Variants in TCEA3 observed in about 807,000 individuals in gnomAD.
The protein encoded by TCEA3 is transcription elongation factor A3.
Under a neutral mutation model 44.0 loss-of-function variants are expected in TCEA3, and 36 were observed. The ratio of observed to expected loss-of-function variants is 0.82; its 90% CI spans 0.63 to 1.08. The LOEUF is 1.08. Among genes scored for constraint, TCEA3 ranks in the 50% least tolerant of loss-of-function variants. The pLI is 0.00. For missense variants in TCEA3, 392 were observed against 441.2 expected, an observed-to-expected ratio of 0.89 and a Z score of 1.00; for synonymous variants, 162 against 159.7, an observed-to-expected ratio of 1.01 and a Z score of -0.11.
At chr1:23,421,442 G>A (rs1361875344) in intron 1 of TCEA3, among the ~76,000 whole-genome samples, 2 of 152,078 alleles carry the variant, frequency 1.3e-5, no homozygotes, top group Non-Finnish European at 2.9e-5. Context: ...CACAATCATG[G>A]AATATCAACA....
At chr1:23,384,158 T>C (rs1638751416) in intron 10 of TCEA3, 188 bp downstream of exon 10, 3 of 1,403,110 alleles carry the variant, frequency 2.1e-6, no homozygotes, top group South Asian at 3.4e-5. Context: ...AATGAAAACA[T>C]GCATGTGTGT....
At chr1:23,413,185 G>A (rs1639784375) in intron 4 of TCEA3, among the ~76,000 whole-genome samples, 1 of 151,942 alleles carries the variant, frequency 6.6e-6, no homozygotes, top group Non-Finnish European at 1.5e-5. Context: ...CACCCAGGCT[G>A]GAGTGCAGTA....
intron 8 of TCEA3, among the ~76,000 whole-genome samples, chr1:23,392,989 A>G (rs1410823680): frequency 1.3e-5 from 2 of 152,046 alleles, no homozygotes; most frequent in Non-Finnish European, 1.5e-5. Context: ...TATCCAACTC[A>G]CCATAATGTA....
In TCEA3 at chr1:23,384,827, C is replaced by T. The variant is rs558227005; in HGVS notation, c.967-410G>A. The stretch of plus-strand genomic sequence containing the variant: ...GATTACAGGCGCCCGCCACCACGCC[C>T]GGCTAATTTGGACTTTCACTCTTGT... On this transcript the variant is annotated intron_variant, in intron 9 of 10. Coordinates refer to ENST00000450454, the MANE Select transcript of TCEA3 (RefSeq NM_003196.3). 7.1e-4 allele frequency among the ~76,000 whole-genome samples: 108 copies of T among 152,084 alleles called. 1 individual carries two copies. Among genetic ancestry groups the T allele is most frequent in the Middle Eastern group, 6.8e-3 (2 of 294 alleles).
intron 5 of TCEA3, among the ~76,000 whole-genome samples, chr1:23,399,163 T>TATATATAC (rs1558043147): frequency 1.4e-5 from 2 of 137,986 alleles, no homozygotes; most frequent in Non-Finnish European, 3.2e-5. Context: ...TATATATATA[T>TATATATAC]ATATATATAT....
chr1:23,389,633 G>A (rs1268403119), intron 8 of TCEA3, among the ~76,000 whole-genome samples: 1 of 152,202 alleles, frequency 6.6e-6, no homozygotes, highest in Non-Finnish European at 1.5e-5. Context: ...CTGGGTGACA[G>A]AGTGAGACTC....
chr1:23,383,017 C>T (rs548031260), intron 10 of TCEA3, among the ~76,000 whole-genome samples: 52 of 152,340 alleles, frequency 3.4e-4, no homozygotes, highest in South Asian at 8.3e-4. Flanking sequence ...CGGCGGCTCA[C>T]GCCTGTAATC....
chr1:23,422,051 A>G (rs1187890864), intron 1 of TCEA3, among the ~76,000 whole-genome samples: 1 of 152,214 alleles, frequency 6.6e-6, no homozygotes, highest in Non-Finnish European at 1.5e-5. Flanking sequence ...CTCTGGTCTA[A>G]GTGTGCAGCT....
intron 2 of TCEA3, chr1:23,418,342 C>T (rs1017313582): frequency 1.5e-5 from 4 of 269,882 alleles, no homozygotes; most frequent in African/African-American, 4.3e-5. Flanking sequence ...GATGGAGTCT[C>T]GCTATGTTGC....
intron 5 of TCEA3, among the ~76,000 whole-genome samples, chr1:23,403,199 C>CT (rs1401842405): frequency 1.3e-5 from 2 of 152,228 alleles, no homozygotes; most frequent in African/African-American, 4.8e-5. Flanking sequence ...GGAGCCCCAA[C>CT]GAATGACAGT....
At chr1:23,383,279 C>CAAAA (rs10604385) in intron 10 of TCEA3, among the ~76,000 whole-genome samples, 2 of 118,516 alleles carry the variant, frequency 1.7e-5, no homozygotes, top group African/African-American at 6.6e-5. Flanking sequence ...GACTCCATCT[C>CAAAA]AAAAAAAAAA....
At chr1:23,392,465 A>G in intron 8 of TCEA3, among the ~76,000 whole-genome samples, 1 of 144,580 alleles carries the variant, frequency 6.9e-6, no homozygotes, top group African/African-American at 2.6e-5. Flanking sequence ...CACTCCACAC[A>G]TCATACACAC....
chr1:23,423,867 G>A (rs1383854653), intron 1 of TCEA3: 1 of 455,880 alleles, frequency 2.2e-6, no homozygotes, highest in Non-Finnish European at 4.4e-6. Flanking sequence ...ACCTCCCGCC[G>A]AGCCCGCTCC....
At chr1:23,416,799 T>C (rs1639903844) in intron 4 of TCEA3, among the ~76,000 whole-genome samples, 2 of 152,126 alleles carry the variant, frequency 1.3e-5, no homozygotes, top group Non-Finnish European at 1.5e-5. Context: ...GTGCAATGAA[T>C]CTTATAAGTG....
At position 23,396,962 on chromosome 1, in the gene TCEA3, G is replaced by A. The variant is rs377761387; in HGVS notation, c.664+583C>T. On this transcript the variant is annotated intron_variant, in intron 7 of 10. Transcript: ENST00000450454. The stretch of plus-strand genomic sequence containing the variant: ...GTAGGTTGCAGTGAGGCGAGATTGC[G>A]CCATCGCACTCCAGCCTGGGCAACA... 4.0e-4 allele frequency among the ~76,000 whole-genome samples: 57 copies of A among 142,498 alleles called. 2 individuals carry two copies. The South Asian group carries it at 9.5e-3, about 24-fold the overall frequency. The allele number at this position is 142,498 out of a possible 152,430, so 93.5% of individuals were successfully genotyped here. A position where few individuals can be genotyped will look rare whatever the true frequency, so the allele number is the denominator to read the frequency against.
intron 4 of TCEA3, among the ~76,000 whole-genome samples, chr1:23,413,116 A>T (rs1639782248): frequency 1.3e-5 from 2 of 152,156 alleles, no homozygotes; most frequent in Non-Finnish European, 2.9e-5. Context: ...CAAAATATAA[A>T]TATAAATGTA....
In TCEA3 at chr1:23,424,575, C is replaced by G; in HGVS notation, c.59G>C (p.Arg20Thr). ...ACTCTGCAGCCTCACCGTGTTCTTC[C>G]TGGCCACCATCTTCTCCAGCTTTTT... ...IAKKLEKMVA[R>T]KNTEGALDLL... Residue 20 changes from arginine (R) to threonine (T), a missense_variant, in exon 1 of 11, where the codon AGG becomes ACG. Arg to Thr is a moderately conservative substitution (Grantham distance 71). Coordinates refer to ENST00000450454, the MANE Select transcript of TCEA3 (RefSeq NM_003196.3). The G allele has an allele frequency of 6.2e-7, 1 of 1,608,290 alleles. No individual in the cohort carries two copies. Among genetic ancestry groups the G allele is most frequent in the Non-Finnish European group, 8.5e-7 (1 of 1,178,988 alleles).
intron 10 of TCEA3, among the ~76,000 whole-genome samples, chr1:23,382,235 G>A (rs944898087): frequency 3.9e-5 from 6 of 151,940 alleles, no homozygotes; most frequent in Non-Finnish European, 7.4e-5. Context: ...TAGTAGAGAC[G>A]GGGTTTCTCC....
At chr1:23,415,517 G>A (rs1338456415) in intron 4 of TCEA3, among the ~76,000 whole-genome samples, 1 of 152,122 alleles carries the variant, frequency 6.6e-6, no homozygotes, top group East Asian at 1.9e-4. Context: ...CCTGCTCCTG[G>A]TCCTTCATTT....
Sources: gnomAD v4.1 joint callset for allele counts (sites outside exome capture counted in the v4.1 genomes callset) on GRCh38, gnomAD v4.1.1 for gene constraint, MANE v1.5 for transcripts, NCBI Gene and HGNC (gene_info 2026-07-23, HGNC 2026-07-21) for gene names.